The following COL4A6 variants were observed in gnomAD, a reference collection of about 807,000 sequenced individuals.
COL4A6 encodes collagen alpha-6(IV) chain.
COL4A6 carries 59 observed loss-of-function variants against 126.7 expected under a neutral mutation model. That is an observed-to-expected ratio of 0.47 (90% CI 0.38 to 0.58). The LOEUF (loss-of-function observed/expected upper bound fraction) is 0.58. Ranked by LOEUF, COL4A6 falls within the 20% of genes least tolerant of loss-of-function variation. The pLI, the probability that COL4A6 is intolerant of heterozygous loss-of-function variation, is 0.00. For missense variants in COL4A6, 1,285 were observed against 1,337.3 expected (o/e 0.96, Z 0.61); for synonymous variants, 547 against 496.6 (o/e 1.10, Z -1.35).
chrX:108,384,526 G>C (rs1324635441), intron 2 of COL4A6, among the ~76,000 whole-genome samples: 1 of 111,928 alleles, frequency 8.9e-6, no homozygotes, highest in Non-Finnish European at 1.9e-5. Flanking sequence ...ATGTAAACTG[G>C]TTTGTTTGGA....
chrX:108,170,005 A>C lies in COL4A6; in HGVS notation c.3505T>G (p.Phe1169Val). 8.4e-7 allele frequency: 1 copy of C among 1,187,559 alleles called. No individual in the cohort carries two copies. The highest frequency in any genetic ancestry group is 1.1e-6 in the Non-Finnish European group (1 of 881,438). The change falls in exon 36 of 45, where the codon TTT becomes GTT. Residue 1169 changes from phenylalanine (F) to valine (V), a missense_variant. Phe to Val is a conservative substitution (Grantham distance 50). Coordinates refer to ENST00000334504, the MANE Select transcript of COL4A6 (RefSeq NM_033641.4). ...CCATTCAGTCCATGTAAACCAGGAA[A>C]TCCAGGGAAGCCTGAGGGGAGAGAA... ...GLIGPKGFPG[F>V]PGLHGLNGLP...
At chrX:108,269,223 C>G (rs1165996688) in intron 3 of COL4A6, 1 of 325,262 alleles carries the variant, frequency 3.1e-6, no homozygotes, top group Admixed American at 3.2e-5. Context: ...ACTTTCGGAG[C>G]CTGCACTCAT....
At chrX:108,320,633 G>A (rs937550342) in intron 2 of COL4A6, among the ~76,000 whole-genome samples, 1 of 111,426 alleles carries the variant, frequency 9.0e-6, no homozygotes, top group African/African-American at 3.3e-5. Flanking sequence ...AGAAGGTGTG[G>A]TCCTGTAAAG....
chrX:108,330,112 G>C (rs1395003071), intron 2 of COL4A6, among the ~76,000 whole-genome samples: 2 of 111,171 alleles, frequency 1.8e-5, no homozygotes, highest in African/African-American at 6.6e-5. Context: ...AATTATGCAA[G>C]GATGAGTTTG....
chrX:108,329,059 A>T (rs2039231141), intron 2 of COL4A6, among the ~76,000 whole-genome samples: 3 of 111,837 alleles, frequency 2.7e-5, no homozygotes, highest in Admixed American at 9.5e-5. Context: ...GGGGCTAAGA[A>T]GAGTGGGAAG....
intron 3 of COL4A6, among the ~76,000 whole-genome samples, chrX:108,278,059 A>C (rs1482704974): frequency 8.9e-6 from 1 of 111,900 alleles, no homozygotes; most frequent in Non-Finnish European, 1.9e-5. Context: ...GAGCAGAAAA[A>C]CTGGAAACTC....
chrX:108,304,999 G>A (rs1001647804), intron 3 of COL4A6, among the ~76,000 whole-genome samples: 4 of 112,004 alleles, frequency 3.6e-5, no homozygotes, highest in Non-Finnish European at 7.5e-5. Context: ...ATGAGACAGT[G>A]TGTAGTGCCT....
chrX:108,252,059 C>T (rs186053003), intron 3 of COL4A6, among the ~76,000 whole-genome samples: 1 of 111,186 alleles, frequency 9.0e-6, no homozygotes, highest in African/African-American at 3.3e-5. Flanking sequence ...CCCTACTATG[C>T]AATAGAAGAC....
At chrX:108,208,364 C>G (rs777177649) in intron 8 of COL4A6, among the ~76,000 whole-genome samples, 13 of 111,667 alleles carry the variant, frequency 1.2e-4, no homozygotes, top group Non-Finnish European at 2.5e-4. Flanking sequence ...ATCATTATAC[C>G]CAGCAACAGC....
At chrX:108,205,000 TACAG>T (rs1486751687) in intron 11 of COL4A6, among the ~76,000 whole-genome samples, 4 of 99,575 alleles carry the variant, frequency 4.0e-5, no homozygotes, top group Admixed American at 1.1e-4. Flanking sequence ...GAGAGAGAGA[TACAG>T]AGAGAGAGGA....
chrX:108,290,101 G>C lies in COL4A6; in HGVS notation c.144+20647C>G, dbSNP rs2038121998. Among the ~76,000 whole-genome samples, 4 of 112,169 alleles carry C rather than the reference G, an allele frequency of 3.6e-5. No homozygotes were observed. The Admixed American group carries it at 3.8e-4, about 11-fold the overall frequency. On this transcript the variant is annotated intron_variant, in intron 3 of 44. Coordinates refer to ENST00000334504, the MANE Select transcript of COL4A6 (RefSeq NM_033641.4). ...ATAATTGTTTTACAATGTTTCTAAA[G>C]GATCTTGAAATTCTCAGAAGATTGC...
Position 108,264,950 on chromosome X carries a change from T to C in COL4A6, c.145-43576A>G, listed in dbSNP as rs753235407. Among the ~76,000 whole-genome samples, 7 of 112,167 alleles carry C rather than the reference T, an allele frequency of 6.2e-5. No individual in the cohort carries two copies. The South Asian group carries it at 2.6e-3, about 42-fold the overall frequency. On this transcript the variant is annotated intron_variant, in intron 3 of 44. Transcript: ENST00000334504. ...GAATCACTCCATCACTTACTAGCTG[T>C]GTGACACTGAGCAAATTACTTAACC...
Position 108,219,695 on chromosome X carries a change from C to T in COL4A6, c.324+3G>A. 1.7e-6 allele frequency: 2 copies of T among 1,206,776 alleles called. No individual in the cohort carries two copies. Among genetic ancestry groups the T allele is most frequent in the Non-Finnish European group, 2.2e-6 (2 of 891,266 alleles). ...TGAAAAATTCATCTGTGGACACACT[C>T]ACCGGAATCCCATTGATGCCAAGAA... On this transcript the variant is annotated splice_donor_region_variant and intron_variant, in intron 5 of 44. Coordinates refer to ENST00000334504, the MANE Select transcript of COL4A6 (RefSeq NM_033641.4).
chrX:108,325,488 T>C (rs2039134074), intron 2 of COL4A6, among the ~76,000 whole-genome samples: 1 of 111,548 alleles, frequency 9.0e-6, no homozygotes, highest in Non-Finnish European at 1.9e-5. Flanking sequence ...TAAAGGAAAC[T>C]CCTGGGCTAG....
chrX:108,289,633 C>CCT (rs1324167467), intron 3 of COL4A6, among the ~76,000 whole-genome samples: 1 of 111,641 alleles, frequency 9.0e-6, no homozygotes, highest in Non-Finnish European at 1.9e-5. Flanking sequence ...AAGGGCCAGA[C>CCT]ATAGACTTGC....
At chrX:108,372,834 AC>A in intron 2 of COL4A6, among the ~76,000 whole-genome samples, 1 of 112,193 alleles carries the variant, frequency 8.9e-6, no homozygotes, top group South Asian at 3.8e-4. Context: ...CTTCAAATCA[AC>A]CCTATTTAGT....
chrX:108,237,765 C>T (rs2036464269), intron 3 of COL4A6, among the ~76,000 whole-genome samples: 2 of 111,106 alleles, frequency 1.8e-5, no homozygotes. Flanking sequence ...ATTTCTATCC[C>T]TCTCAGGTAT....
intron 2 of COL4A6, among the ~76,000 whole-genome samples, chrX:108,324,862 A>G (rs893673331): frequency 1.8e-5 from 2 of 112,070 alleles, no homozygotes; most frequent in Non-Finnish European, 3.8e-5. Context: ...AGGAAAAAAA[A>G]TCCTACAAAG....
In COL4A6 at chrX:108,157,139, A is replaced by G. The variant is rs752465145; in HGVS notation, c.4934T>C (p.Phe1645Ser). 8.3e-7 allele frequency: 1 copy of G among 1,210,429 alleles called. No homozygotes were observed. Among genetic ancestry groups the G allele is most frequent in the Admixed American group, 2.2e-5 (1 of 45,838 alleles). The stretch of plus-strand genomic sequence containing the variant: ...CAACCAGAAACTGTACTTGTTTGCA[A>G]AGTAGTGGCAGGTGCCTCGGGCACC... Reference protein sequence around the residue: ...CSGARGTCHYFANKYSFWLTT... With the variant: ...CSGARGTCHYSANKYSFWLTT... The change falls in exon 45 of 45, where the codon TTT becomes TCT. Residue 1645 changes from phenylalanine to serine, a missense_variant. Transcript: ENST00000334504.
Sources: gnomAD v4.1 joint callset for allele counts (sites outside exome capture counted in the v4.1 genomes callset) on GRCh38, gnomAD v4.1.1 for gene constraint, MANE v1.5 for transcripts, NCBI Gene and HGNC (gene_info 2026-07-23, HGNC 2026-07-21) for gene names.